ARL15: variants seen among roughly 807,000 people sequenced by gnomAD.
ARL15 encodes ADP-ribosylation factor-like protein 15.
In ARL15, 19 loss-of-function variants were observed where a neutral mutation model predicts 25.2. That is an observed-to-expected ratio of 0.75 (90% CI 0.53 to 1.10). The LOEUF (loss-of-function observed/expected upper bound fraction) is 1.10, where lower values mean the gene tolerates loss of function less well. Ranked by LOEUF, ARL15 falls within the 50% of genes least tolerant of loss-of-function variation. The pLI, the probability that ARL15 is intolerant of heterozygous loss-of-function variation, is 0.00. For missense variants in ARL15, 220 were observed against 246.0 expected (o/e 0.89, Z 0.71); for synonymous variants, 94 against 86.8 (o/e 1.08, Z -0.46).
rs571706068 is a variant in ARL15, at chr5:54,203,393, A to G, written c.49-31465T>C. Among the ~76,000 whole-genome samples the G allele has an allele frequency of 3.9e-5, 6 of 152,316 alleles. No homozygotes were observed. In the South Asian group the frequency reaches 1.2e-3, roughly 32 times the overall value. ...AAGAATATCGACTTTTTTAAAAACA[A>G]AATACTTCGCAGCATCACAACTCCC... is the stretch of plus-strand genomic sequence containing the variant. On this transcript the variant is annotated intron_variant, in intron 1 of 4. Coordinates refer to ENST00000504924, the MANE Select transcript of ARL15 (RefSeq NM_019087.3).
At chr5:54,211,671 C>CATGTTGGGCAGGCTGGTCTTGAA in intron 1 of ARL15, among the ~76,000 whole-genome samples, 1 of 151,828 alleles carries the variant, frequency 6.6e-6, no homozygotes, top group Non-Finnish European at 1.5e-5. Flanking sequence ...AGGGTTTTGC[C>CATGTTGGGCAGGCTGGTCTTGAA]ATGTTGGGCA....
intron 4 of ARL15, among the ~76,000 whole-genome samples, chr5:53,929,650 AAAGT>A (rs1489514130): frequency 3.9e-5 from 6 of 152,246 alleles, no homozygotes; most frequent in Non-Finnish European, 8.8e-5. Context: ...TTATAAAAGC[AAAGT>A]ATTTCATGCA....
At chr5:54,235,259 G>A (rs1414828358) in intron 1 of ARL15, among the ~76,000 whole-genome samples, 1 of 152,040 alleles carries the variant, frequency 6.6e-6, no homozygotes, top group Non-Finnish European at 1.5e-5. Context: ...AATGTTAAAA[G>A]GATTTAATTC....
intron 1 of ARL15, among the ~76,000 whole-genome samples, chr5:54,228,103 A>G (rs1228888558): frequency 6.6e-6 from 1 of 152,172 alleles, no homozygotes; most frequent in African/African-American, 2.4e-5. Context: ...AGAAATGCAA[A>G]TTATCAGATG....
At chr5:54,058,460 G>C (rs1219075579) in intron 4 of ARL15, among the ~76,000 whole-genome samples, 1 of 152,138 alleles carries the variant, frequency 6.6e-6, no homozygotes, top group Non-Finnish European at 1.5e-5. Context: ...AAAATAAATG[G>C]AGATCCTCCT....
At chr5:54,127,575 T>C (rs953824099) in intron 3 of ARL15, among the ~76,000 whole-genome samples, 1 of 151,592 alleles carries the variant, frequency 6.6e-6, no homozygotes, top group African/African-American at 2.4e-5. Context: ...ATCAATATCA[T>C]GAAAATGGCC....
At chr5:53,947,172 G>GC (rs1746771950) in intron 4 of ARL15, among the ~76,000 whole-genome samples, 2 of 45,040 alleles carry the variant, frequency 4.4e-5, no homozygotes, top group Non-Finnish European at 8.6e-5. Context: ...ATAAGGGTGT[G>GC]TGTGTGTGTG....
rs544044316 is a variant in ARL15, at chr5:53,950,292, T to C, written c.463-63579A>G. ...AAAATTAAAAAAAAAAAAACGACTA[T>C]GCTCAAGGTAGTGAGGAACCACTTC... On this transcript the variant is annotated intron_variant, in intron 4 of 4. Transcript: ENST00000504924. Among the ~76,000 whole-genome samples the C allele has an allele frequency of 2.6e-5, 4 of 150,976 alleles. No individual in the cohort carries two copies. The East Asian group carries it at 5.8e-4, about 22-fold the overall frequency.
chr5:54,181,569 T>C (rs1465959934), intron 1 of ARL15, among the ~76,000 whole-genome samples: 2 of 152,234 alleles, frequency 1.3e-5, no homozygotes, highest in African/African-American at 2.4e-5. Flanking sequence ...CAAACACTTT[T>C]AACATTCCTT....
At chr5:54,184,261 C>CAAAAAAAAAAAAAAAAAAAAAAAAA (rs201681698) in intron 1 of ARL15, among the ~76,000 whole-genome samples, 1 of 117,054 alleles carries the variant, frequency 8.5e-6, no homozygotes, top group Non-Finnish European at 1.7e-5. Context: ...AAAAAAAAAT[C>CAAAAAAAAAAAAAAAAAAAAAAAAA]AAAAAAAAAA....
At chr5:54,061,945 G>A (rs1275339404) in intron 4 of ARL15, among the ~76,000 whole-genome samples, 1 of 152,162 alleles carries the variant, frequency 6.6e-6, no homozygotes, top group East Asian at 1.9e-4. Context: ...GCTGTACCCT[G>A]CAAAGCCACA....
intron 4 of ARL15, among the ~76,000 whole-genome samples, chr5:53,888,465 G>A (rs962946309): frequency 6.6e-6 from 1 of 151,968 alleles, no homozygotes; most frequent in Admixed American, 6.6e-5. Context: ...AAAATCTTCT[G>A]TAGAGGTGGG....
chr5:54,261,720 C>T lies in ARL15; in HGVS notation c.48+48712G>A, dbSNP rs947685794. Among the ~76,000 whole-genome samples the T allele has an allele frequency of 4.6e-5, 7 of 151,960 alleles. No individual in the cohort carries two copies. In the East Asian group the frequency reaches 1.3e-3, roughly 29 times the overall value. On this transcript the variant is annotated intron_variant, in intron 1 of 4. Coordinates refer to ENST00000504924, the MANE Select transcript of ARL15 (RefSeq NM_019087.3). The stretch of plus-strand genomic sequence containing the variant: ...AGATAAGTGAATGCTTCCATACTTA[C>T]CTGTTATATGGGGTACTGAACCAGA...
chr5:54,048,150 C>T (rs558019106), intron 4 of ARL15: 6 of 151,860 alleles, frequency 4.0e-5, no homozygotes, highest in African/African-American at 1.2e-4. Context: ...ACCTGGTGGT[C>T]GCCCCTCCTA....
chr5:53,954,095 T>TAAAA (rs11325411), intron 4 of ARL15, among the ~76,000 whole-genome samples: 1 of 141,242 alleles, frequency 7.1e-6, no homozygotes, highest in East Asian at 2.1e-4. Context: ...ATCTTCTACT[T>TAAAA]AAAAAAAAAA....
intron 3 of ARL15, among the ~76,000 whole-genome samples, chr5:54,127,502 C>CTGGAGGCA: frequency 7.3e-5 from 11 of 151,442 alleles, no homozygotes; most frequent in Admixed American, 3.3e-4. Context: ...CAAACCACTG[C>CTGGAGGCA]TCAAGGAAAT....
intron 4 of ARL15, among the ~76,000 whole-genome samples, chr5:54,097,158 T>C (rs1306991739): frequency 6.6e-6 from 1 of 152,050 alleles, no homozygotes; most frequent in Non-Finnish European, 1.5e-5. Context: ...GTACTAAAAA[T>C]AGAAAACAAT....
chr5:53,968,251 C>T (rs2112173037), intron 4 of ARL15, among the ~76,000 whole-genome samples: 1 of 152,292 alleles, frequency 6.6e-6, no homozygotes, highest in Middle Eastern at 3.4e-3. Flanking sequence ...TGATCGATCA[C>T]TTTCAACAAG....
chr5:53,975,388 C>T (rs1263187677), intron 4 of ARL15, among the ~76,000 whole-genome samples: 3 of 152,214 alleles, frequency 2.0e-5, no homozygotes, highest in Non-Finnish European at 4.4e-5. Context: ...TCAAAGAGAG[C>T]TTGCCTACAA....
Sources: gnomAD v4.1 joint callset for allele counts (sites outside exome capture counted in the v4.1 genomes callset) on GRCh38, gnomAD v4.1.1 for gene constraint, MANE v1.5 for transcripts, NCBI Gene and HGNC (gene_info 2026-07-23, HGNC 2026-07-21) for gene names.